CTBP2: variants seen among roughly 807,000 people sequenced by gnomAD.
CTBP2 encodes the protein C-terminal binding protein 2, also known as C-terminal-binding protein 2.
A neutral mutation model predicts 80.3 loss-of-function variants in CTBP2; 30 were observed. The ratio of observed to expected loss-of-function variants is 0.37; its 90% CI spans 0.28 to 0.51. The LOEUF is 0.51. Among genes scored for constraint, CTBP2 ranks in the 20% least tolerant of loss-of-function variants. The pLI is 0.93. For synonymous variants in CTBP2, 594 were observed against 587.4 expected (o/e 1.01, Z -0.16); for missense variants, 1,212 against 1,375.3 (o/e 0.88, Z 1.88).
At chr10:125,083,183 G>T (rs368233704) in intron 2 of CTBP2, among the ~76,000 whole-genome samples, 1 of 152,162 alleles carries the variant, frequency 6.6e-6, no homozygotes, top group African/African-American at 2.4e-5. Flanking sequence ...CCTTCACGTC[G>T]CAAGTTTACA....
rs535545646 is a variant in CTBP2 at position 125,058,124 on chromosome 10, G to A, written c.-101-18969C>T. Among the ~76,000 whole-genome samples the A allele has an allele frequency of 5.3e-5, 8 of 152,124 alleles. No homozygotes were observed. In the South Asian group the frequency reaches 1.7e-3, roughly 32 times the overall value. On this transcript the variant is annotated intron_variant, in intron 2 of 10. Transcript: ENST00000337195. ...TGTTACAGAGTTTTACAGGAGCCCT[G>A]ACGGGGAGAAACTCTTGGACTGTCA...
At chr10:125,052,074 C>T (rs1230959373) in intron 2 of CTBP2, among the ~76,000 whole-genome samples, 1 of 152,182 alleles carries the variant, frequency 6.6e-6, no homozygotes, top group African/African-American at 2.4e-5. Flanking sequence ...TTCAGCAACC[C>T]GAGCACGCCA....
chr10:125,027,710 T>G lies in CTBP2; in HGVS notation c.50A>C (p.Asp17Ala). The G allele has an allele frequency of 6.2e-7, 1 of 1,612,158 alleles. No homozygotes were observed. Among genetic ancestry groups the G allele is most frequent in the Non-Finnish European group, 8.5e-7 (1 of 1,178,868 alleles). ...GGGGCCCTCGTACCACCCAGCAGCATCCCAGCTCTGAGAACGACCAATATT... is the reference window on the plus strand; with the variant it reads ...GGGGCCCTCGTACCACCCAGCAGCAGCCCAGCTCTGAGAACGACCAATATT... Residue 17 changes from aspartate (D) to alanine (A), a missense_variant, in exon 1 of 9, where the codon GAT becomes GCT. This residue lies in a region of CTBP2 where 848 missense variants were observed against 782.3 expected (regional missense o/e 1.08). Transcript: ENST00000309035.
chr10:125,144,371 G>A (rs1157652805), intron 1 of CTBP2, among the ~76,000 whole-genome samples: 1 of 152,164 alleles, frequency 6.6e-6, no homozygotes, highest in Non-Finnish European at 1.5e-5. Flanking sequence ...CAGCCTATGC[G>A]GCTTGCCAAT....
intron 1 of CTBP2, among the ~76,000 whole-genome samples, chr10:125,140,089 A>G (rs1298890735): frequency 6.6e-6 from 1 of 152,086 alleles, no homozygotes; most frequent in Non-Finnish European, 1.5e-5. Flanking sequence ...GTGTCCTCAC[A>G]CTACACTGGG....
intron 2 of CTBP2, among the ~76,000 whole-genome samples, chr10:125,065,482 C>T (rs974690581): frequency 3.9e-5 from 6 of 152,086 alleles, no homozygotes; most frequent in Admixed American, 2.6e-4. Flanking sequence ...TTGGGGAAGG[C>T]GAGGTGGCGA....
intron 2 of CTBP2, among the ~76,000 whole-genome samples, chr10:125,065,472 T>C (rs1370072241): frequency 6.6e-6 from 1 of 152,064 alleles, no homozygotes; most frequent in Non-Finnish European, 1.5e-5. Flanking sequence ...CGCAGGGGCT[T>C]TGGGGAAGGC....
At chr10:125,100,723 T>C (rs1850487561) in intron 2 of CTBP2, 1 of 152,202 alleles carries the variant, frequency 6.6e-6, no homozygotes, top group African/African-American at 2.4e-5. Flanking sequence ...TGCAGAGTTG[T>C]CCTTCTTCCC....
intron 1 of CTBP2, among the ~76,000 whole-genome samples, chr10:125,151,135 G>C (rs991515979): frequency 2.6e-5 from 4 of 152,150 alleles, no homozygotes; most frequent in African/African-American, 7.2e-5. Flanking sequence ...CAGGTAGAGC[G>C]CACTTGAATG....
chr10:125,142,001 C>T (rs868466308), intron 1 of CTBP2, among the ~76,000 whole-genome samples: 1 of 152,160 alleles, frequency 6.6e-6, no homozygotes, highest in African/African-American at 2.4e-5. Flanking sequence ...CCAAGAGGGG[C>T]TGGTGGGACA....
At position 125,005,396 on chromosome 10, in the gene CTBP2, CCCAGTCACT is replaced by C. The variant is rs1955101760; in HGVS notation, c.1679-1913_1679-1905del. 5 of 723,698 alleles carry C rather than the reference CCCAGTCACT, an allele frequency of 6.9e-6. No individual in the cohort carries two copies. The Admixed American group carries it at 1.4e-4, about 20-fold the overall frequency. The allele number at this position is 723,698 out of a possible 1,614,324, so 44.8% of individuals were successfully genotyped here. On this transcript the variant is annotated intron_variant, in intron 1 of 8. Coordinates refer to ENST00000309035, the MANE Select transcript of CTBP2 (RefSeq NM_022802.3). ...CTCAGACACCAAAGGCACACGTGCA[CCCAGTCACT>C]CCTGCTGCTGCCCCGACACCCAGGT...
rs1251992769 is a variant in CTBP2, at chr10:125,056,604, C to T, written c.-101-17449G>A. 6.6e-5 allele frequency among the ~76,000 whole-genome samples: 10 copies of T among 152,358 alleles called. No individual in the cohort carries two copies. The South Asian group carries it at 8.3e-4, about 13-fold the overall frequency. On this transcript the variant is annotated intron_variant, in intron 2 of 10. Coordinates refer to the CTBP2 transcript ENST00000337195. ...AAAACTCACTCCCTCTAGTCACCCG[C>T]CAGCCCCACAGCTGCTCTTTGTGCC...
At position 125,151,658 on chromosome 10, in the gene CTBP2, C is replaced by T. The variant is rs557767397; in HGVS notation, c.-206+8661G>A. Among the ~76,000 whole-genome samples, 34 of 152,384 alleles carry T rather than the reference C, an allele frequency of 2.2e-4. No individual in the cohort carries two copies. In the East Asian group the frequency reaches 6.6e-3, roughly 29 times the overall value. ...CCCCATGAGTGCCCGGAGTCCGCGA[C>T]CGCTGCGGGGTGGAGGCGGCTCTGG... On this transcript the variant is annotated intron_variant, in intron 1 of 10. Coordinates refer to the CTBP2 transcript ENST00000337195.
At chr10:125,036,826 T>A (rs1330288999) in intron 3 of CTBP2, among the ~76,000 whole-genome samples, 1 of 152,028 alleles carries the variant, frequency 6.6e-6, no homozygotes, top group Non-Finnish European at 1.5e-5. Context: ...GGTTCCTGGG[T>A]GCAAACTGCC....
At chr10:125,089,994 G>A (rs1242497786) in intron 2 of CTBP2, among the ~76,000 whole-genome samples, 2 of 152,168 alleles carry the variant, frequency 1.3e-5, no homozygotes, top group Non-Finnish European at 2.9e-5. Flanking sequence ...TGGGGGCCAA[G>A]GGGCCCCAGC....
rs1186280404 is a variant in CTBP2, at chr10:124,992,061, G to T, written c.2777+634C>A. On this transcript the variant is annotated intron_variant, in intron 8 of 8. Transcript: ENST00000309035. ...GTATCATTTTTAGTGTGTGGACAAG[G>T]TCATCATCCTGAGTTGATTGTACTA... Among the ~76,000 whole-genome samples, 3 of 152,228 alleles carry T rather than the reference G, an allele frequency of 2.0e-5. No homozygotes were observed. The South Asian group carries it at 6.2e-4, about 32-fold the overall frequency.
At chr10:125,156,549 C>T (rs1011236248) in intron 1 of CTBP2, among the ~76,000 whole-genome samples, 4 of 151,990 alleles carry the variant, frequency 2.6e-5, no homozygotes, top group African/African-American at 9.7e-5. Flanking sequence ...GTGTCCTTTT[C>T]GGTTTTTTTT....
rs1952256493 is a variant in CTBP2 at position 124,989,271 on chromosome 10, T to TGAAA, written c.*243_*246dup. ...TTCTTTTTGTGATTTGATGCACAGA[T>TGAAA]GAAAAACTTAACACACAATAACAGA... On this transcript the variant is annotated 3_prime_UTR_variant, in exon 9 of 9. Transcript: ENST00000309035. 2 of 525,822 alleles carry TGAAA rather than the reference T, an allele frequency of 3.8e-6. No individual in the cohort carries two copies. The highest frequency in any genetic ancestry group is 3.4e-6 in the Non-Finnish European group (1 of 293,014). 32.6% of individuals were successfully genotyped at this position (525,822 alleles called of 1,614,324 possible).
intron 1 of CTBP2, among the ~76,000 whole-genome samples, chr10:125,116,173 C>G (rs1003365085): frequency 6.6e-6 from 1 of 152,128 alleles, no homozygotes; most frequent in Admixed American, 6.5e-5. Flanking sequence ...AGCCCCCGCC[C>G]CACTGTTGCC....
Sources: gnomAD v4.1 joint callset for allele counts (sites outside exome capture counted in the v4.1 genomes callset) on GRCh38, gnomAD v4.1.1 for gene constraint, gnomAD v4.1.1 regional missense constraint, MANE v1.5 for transcripts, NCBI Gene and HGNC (gene_info 2026-07-23, HGNC 2026-07-21) for gene names.